The following COX10 variants were observed in gnomAD, a reference collection of about 807,000 sequenced individuals.
The protein encoded by COX10 is protoheme IX farnesyltransferase, mitochondrial.
In COX10, 27 loss-of-function variants were observed where a neutral mutation model predicts 37.3. That is an observed-to-expected ratio of 0.72 (90% CI 0.53 to 1.00). The LOEUF (loss-of-function observed/expected upper bound fraction) is 1.00, where lower values mean the gene tolerates loss of function less well. Ranked by LOEUF, COX10 falls within the 50% of genes least tolerant of loss-of-function variation. The pLI is 0.00. For synonymous variants in COX10, 222 were observed against 229.1 expected (o/e 0.97, Z 0.28); for missense variants, 475 against 563.2 (o/e 0.84, Z 1.59).
chr17:14,141,234 C>G (rs893739343), intron 4 of COX10, among the ~76,000 whole-genome samples: 1 of 151,956 alleles, frequency 6.6e-6, no homozygotes, highest in African/African-American at 2.4e-5. Flanking sequence ...TTGTATTATA[C>G]CTATAAAGAC....
chr17:14,106,071 T>C (rs183491250), intron 4 of COX10, among the ~76,000 whole-genome samples: 1 of 152,234 alleles, frequency 6.6e-6, no homozygotes, highest in East Asian at 1.9e-4. Flanking sequence ...TGGCATGCAG[T>C]GGTGCAATCT....
At chr17:14,204,615 G>A (rs1824759141) in intron 6 of COX10, among the ~76,000 whole-genome samples, 1 of 151,904 alleles carries the variant, frequency 6.6e-6, no homozygotes, top group Non-Finnish European at 1.5e-5. Flanking sequence ...TCTCCTGATT[G>A]GTCCTTCCAT....
intron 3 of COX10, among the ~76,000 whole-genome samples, chr17:14,085,693 A>G (rs1915394543): frequency 6.6e-6 from 1 of 152,172 alleles, no homozygotes. Flanking sequence ...ACTATAATAA[A>G]TAAGCTAAAT....
At chr17:14,070,693 GCT>G (rs952656231) in intron 1 of COX10, among the ~76,000 whole-genome samples, 1 of 152,212 alleles carries the variant, frequency 6.6e-6, no homozygotes, top group African/African-American at 2.4e-5. Flanking sequence ...CCACACACAA[GCT>G]CTCTGCACCA....
At chr17:14,119,856 A>C (rs2142212065) in intron 4 of COX10, among the ~76,000 whole-genome samples, 1 of 152,114 alleles carries the variant, frequency 6.6e-6, no homozygotes, top group African/African-American at 2.4e-5. Flanking sequence ...TTAGTTTTGG[A>C]GCATTAGGAA....
intron 3 of COX10, among the ~76,000 whole-genome samples, chr17:14,084,130 A>G (rs962733729): frequency 6.6e-6 from 1 of 152,168 alleles, no homozygotes; most frequent in African/African-American, 2.4e-5. Context: ...GATCACTTGT[A>G]TAGTTTAAGA....
chr17:14,185,413 A>G (rs559881366), intron 5 of COX10, among the ~76,000 whole-genome samples: 1 of 149,872 alleles, frequency 6.7e-6, no homozygotes, highest in Non-Finnish European at 1.5e-5. Context: ...TTTAGCTCTG[A>G]CCACATTTTA....
intron 3 of COX10, among the ~76,000 whole-genome samples, chr17:14,084,960 A>G (rs747625143): frequency 1.1e-4 from 16 of 152,152 alleles, no homozygotes; most frequent in Non-Finnish European, 1.9e-4. Context: ...GCACCCGGCC[A>G]ATAACCAGGC....
At chr17:14,149,797 A>C (rs759372484) in intron 4 of COX10, among the ~76,000 whole-genome samples, 11 of 152,174 alleles carry the variant, frequency 7.2e-5, no homozygotes, top group Non-Finnish European at 1.6e-4. Flanking sequence ...CAACCCTGTT[A>C]TAAGCAATAA....
At chr17:14,114,362 CCTTATTTTCATTGTCATG>C (rs1916066282) in intron 4 of COX10, among the ~76,000 whole-genome samples, 1 of 152,052 alleles carries the variant, frequency 6.6e-6, no homozygotes, top group African/African-American at 2.4e-5. Context: ...AACATGTCAT[CCTTATTTTCATTGTCATG>C]CTTATTTTCA....
intron 4 of COX10, among the ~76,000 whole-genome samples, chr17:14,132,327 A>G (rs1294350333): frequency 1.3e-5 from 2 of 151,952 alleles, no homozygotes; most frequent in Non-Finnish European, 2.9e-5. Flanking sequence ...ATTCTGACGG[A>G]GAATCCGTGT....
Position 14,086,685 on chromosome 17 carries a change from C to T in COX10, c.499+9629C>T, listed in dbSNP as rs562310388. 6.2e-4 allele frequency among the ~76,000 whole-genome samples: 95 copies of T among 152,162 alleles called. 1 individual carries two copies. In the South Asian group the frequency reaches 0.019, roughly 30 times the overall value. On this transcript the variant is annotated intron_variant, in intron 3 of 6. Coordinates refer to ENST00000261643, the MANE Select transcript of COX10 (RefSeq NM_001303.4). The stretch of plus-strand genomic sequence containing the variant: ...TACATCAAATAATGATTAAGTTTAT[C>T]TCCTTTTTCATGTTTATGCTAATTA...
At chr17:14,070,364 T>TATTTATATA (rs1914991099) in intron 1 of COX10, among the ~76,000 whole-genome samples, 1 of 152,238 alleles carries the variant, frequency 6.6e-6, no homozygotes, top group African/African-American at 2.4e-5. Flanking sequence ...AGTCTATACT[T>TATTTATATA]GTTTATTTAT....
chr17:14,195,289 C>T (rs1302157396), intron 6 of COX10, among the ~76,000 whole-genome samples: 1 of 152,126 alleles, frequency 6.6e-6, no homozygotes, highest in African/African-American at 2.4e-5. Context: ...TATTTTTAAA[C>T]AGATTTTTAT....
intron 4 of COX10, among the ~76,000 whole-genome samples, chr17:14,127,877 T>C (rs1362376400): frequency 1.3e-5 from 2 of 152,030 alleles, no homozygotes; most frequent in Non-Finnish European, 2.9e-5. Flanking sequence ...TTTTAATTTT[T>C]TTCAAAAGTT....
At chr17:14,157,926 A>G (rs182769218) in intron 4 of COX10, among the ~76,000 whole-genome samples, 1 of 152,330 alleles carries the variant, frequency 6.6e-6, no homozygotes, top group East Asian at 1.9e-4. Context: ...ATTACAGATG[A>G]CAAATGCTCT....
intron 3 of COX10, among the ~76,000 whole-genome samples, chr17:14,078,630 G>A (rs1369257465): frequency 2.0e-5 from 3 of 152,174 alleles, no homozygotes; most frequent in African/African-American, 4.8e-5. Flanking sequence ...GAGGCTGTTG[G>A]TTTTTGCAGC....
At chr17:14,189,076 C>T (rs1025215941) in intron 5 of COX10, among the ~76,000 whole-genome samples, 2 of 90,492 alleles carry the variant, frequency 2.2e-5, no homozygotes, top group Non-Finnish European at 4.9e-5. Flanking sequence ...TATTCATTTT[C>T]TTCTTTTTTT....
chr17:14,112,554 T>G (rs1365413718), intron 4 of COX10, among the ~76,000 whole-genome samples: 1 of 152,182 alleles, frequency 6.6e-6, no homozygotes, highest in Non-Finnish European at 1.5e-5. Context: ...GGAAGACAGA[T>G]GAATAAATAA....
Sources: allele counts gnomAD v4.1 joint callset (sites outside exome capture counted in the v4.1 genomes callset), GRCh38; gene constraint gnomAD v4.1.1; transcripts MANE v1.5; gene names NCBI Gene and HGNC (gene_info 2026-07-23, HGNC 2026-07-21).